Variants in ATRNL1 observed in about 807,000 individuals in gnomAD.
ATRNL1 encodes the protein attractin like 1.
A neutral mutation model predicts 182.7 loss-of-function variants in ATRNL1; 95 were observed. The ratio of observed to expected loss-of-function variants is 0.52; its 90% confidence interval spans 0.44 to 0.62. The LOEUF (loss-of-function observed/expected upper bound fraction) is 0.62. Ranked by LOEUF, ATRNL1 falls within the 20% of genes least tolerant of loss-of-function variation. ATRNL1 has a pLI of 0.00. For synonymous variants in ATRNL1, 576 were observed against 568.3 expected (o/e 1.01, Z -0.19); for missense variants, 1,471 against 1,679.5 (o/e 0.88, Z 2.17).
chr10:115,136,032 T>C (rs1845496970), intron 5 of ATRNL1, among the ~76,000 whole-genome samples: 1 of 131,094 alleles, frequency 7.6e-6, no homozygotes, highest in Non-Finnish European at 1.8e-5. Context: ...GCTAATTAAA[T>C]TGTTTTTTTT....
chr10:115,538,239 G>A (rs544246920), intron 25 of ATRNL1, among the ~76,000 whole-genome samples: 1 of 152,296 alleles, frequency 6.6e-6, no homozygotes, highest in East Asian at 1.9e-4. Context: ...CTGGGTCACA[G>A]GGTGGATGTA....
chr10:115,258,702 T>G (rs1851265681), intron 10 of ATRNL1, among the ~76,000 whole-genome samples: 1 of 152,166 alleles, frequency 6.6e-6, no homozygotes, highest in Non-Finnish European at 1.5e-5. Context: ...GGCACTCCAA[T>G]TTTTAGAATT....
chr10:115,254,148 C>G (rs1002131892), intron 10 of ATRNL1, among the ~76,000 whole-genome samples: 1 of 152,160 alleles, frequency 6.6e-6, no homozygotes, highest in Non-Finnish European at 1.5e-5. Flanking sequence ...TGGGTATATA[C>G]CCAGTAATGG....
chr10:115,159,918 A>G, intron 5 of ATRNL1, 122 bp from the exon 6 acceptor site: 1 of 658,686 alleles, frequency 1.5e-6, no homozygotes, highest in Non-Finnish European at 2.3e-6. Context: ...CAGATAATTT[A>G]TGTATATATT....
intron 21 of ATRNL1, among the ~76,000 whole-genome samples, chr10:115,456,795 A>G (rs927671553): frequency 6.6e-6 from 1 of 152,146 alleles, no homozygotes; most frequent in Admixed American, 6.6e-5. Flanking sequence ...TGCTGTAGAA[A>G]AACATACGAA....
chr10:115,777,763 G>A (rs1360799242), intron 27 of ATRNL1, among the ~76,000 whole-genome samples: 1 of 152,162 alleles, frequency 6.6e-6, no homozygotes, highest in Non-Finnish European at 1.5e-5. Context: ...TTTCAGTGTG[G>A]TTAGGAAGAA....
intron 19 of ATRNL1, among the ~76,000 whole-genome samples, chr10:115,374,405 C>T (rs1359367392): frequency 1.3e-5 from 2 of 150,588 alleles, no homozygotes; most frequent in African/African-American, 4.9e-5. Flanking sequence ...TCACTTTGGA[C>T]TCAACTTTCT....
intron 18 of ATRNL1, among the ~76,000 whole-genome samples, chr10:115,317,507 A>T (rs190517810): frequency 1.3e-5 from 2 of 152,264 alleles, no homozygotes; most frequent in South Asian, 2.1e-4. Flanking sequence ...TACGATATTG[A>T]TTCTTCCTCT....
At chr10:115,259,560 C>G (rs1228499299) in intron 10 of ATRNL1, among the ~76,000 whole-genome samples, 2 of 152,198 alleles carry the variant, frequency 1.3e-5, no homozygotes, top group African/African-American at 2.4e-5. Context: ...TCCCCCAACC[C>G]CTTGTGCTTC....
intron 10 of ATRNL1, among the ~76,000 whole-genome samples, chr10:115,260,909 G>GA (rs1290568206): frequency 6.6e-6 from 1 of 151,864 alleles, no homozygotes; most frequent in Non-Finnish European, 1.5e-5. Context: ...TAATAGAATT[G>GA]AAAAAGCAAA....
intron 26 of ATRNL1, among the ~76,000 whole-genome samples, chr10:115,712,919 C>A (rs1555054980): frequency 6.6e-6 from 1 of 151,818 alleles, no homozygotes; most frequent in African/African-American, 2.4e-5. Flanking sequence ...TCAACCCAGT[C>A]CCGAGCACAT....
chr10:115,527,687 T>A (rs1024930063), intron 25 of ATRNL1, among the ~76,000 whole-genome samples: 3 of 152,178 alleles, frequency 2.0e-5, no homozygotes, highest in Non-Finnish European at 4.4e-5. Context: ...ATAAATTCAT[T>A]GACATATTTA....
chr10:115,416,941 A>G (rs1845416310), intron 20 of ATRNL1, among the ~76,000 whole-genome samples: 1 of 152,180 alleles, frequency 6.6e-6, no homozygotes, highest in Admixed American at 6.5e-5. Flanking sequence ...GAGATAACCT[A>G]CTAATATTTC....
chr10:115,230,870 TGAGAGAGAGAGAGAGAGAGAGA>T (rs1169884107), intron 9 of ATRNL1, among the ~76,000 whole-genome samples: 1,009 of 83,674 alleles, frequency 0.012, 23 homozygotes, highest in African/African-American at 0.042. Context: ...ATAGAGTGGA[TGAGAGAGAGAGAGAGAGAGAGA>T]GAGAGAGAGA....
At chr10:115,519,175 G>C in intron 24 of ATRNL1, 88 bp from the exon 25 acceptor site, 3 of 1,127,834 alleles carry the variant, frequency 2.7e-6, no homozygotes, top group Non-Finnish European at 3.9e-6. Context: ...TGGTGATTTA[G>C]AAAAACTGTA....
At chr10:115,687,443 A>G (rs1416528666) in intron 26 of ATRNL1, among the ~76,000 whole-genome samples, 2 of 152,080 alleles carry the variant, frequency 1.3e-5, no homozygotes, top group Non-Finnish European at 2.9e-5. Flanking sequence ...AAATCGCAAG[A>G]TTGCCCTCTT....
At chr10:115,413,513 T>C (rs2134347727) in intron 20 of ATRNL1, among the ~76,000 whole-genome samples, 1 of 152,228 alleles carries the variant, frequency 6.6e-6, no homozygotes, top group East Asian at 1.9e-4. Flanking sequence ...TCTTGTCCCA[T>C]TTATTTATCT....
chr10:115,205,883 C>G (rs1485802189), intron 8 of ATRNL1, among the ~76,000 whole-genome samples: 1 of 152,036 alleles, frequency 6.6e-6, no homozygotes, highest in African/African-American at 2.4e-5. Flanking sequence ...AAGAGAAGAA[C>G]AGTGTATTGC....
At chr10:115,693,400 G>A (rs566865160) in intron 26 of ATRNL1, among the ~76,000 whole-genome samples, 196 of 152,188 alleles carry the variant, frequency 1.3e-3, no homozygotes, top group Non-Finnish European at 2.4e-3. Flanking sequence ...TTATGCAGTG[G>A]CTGTTTTACA....
Sources: allele counts gnomAD v4.1 joint callset (sites outside exome capture counted in the v4.1 genomes callset), GRCh38; gene constraint gnomAD v4.1.1; transcripts MANE v1.5; gene names NCBI Gene and HGNC (gene_info 2026-07-23, HGNC 2026-07-21).